ARNT2: variants seen among roughly 807,000 people sequenced by gnomAD.
ARNT2 encodes ARNT protein 2.
Under a neutral mutation model 91.7 loss-of-function variants are expected in ARNT2, and 36 were observed. The ratio of observed to expected loss-of-function variants is 0.39; its 90% CI spans 0.30 to 0.52. The LOEUF (loss-of-function observed/expected upper bound fraction) is 0.52, where lower values mean the gene tolerates loss of function less well. Among genes scored for constraint, ARNT2 ranks in the 20% least tolerant of loss-of-function variants. The pLI, the probability that ARNT2 is intolerant of heterozygous loss-of-function variation, is 0.72. For missense variants in ARNT2, 775 were observed against 939.3 expected (o/e 0.83, Z 2.29); for synonymous variants, 365 against 347.1 (o/e 1.05, Z -0.57).
At chr15:80,565,473 C>G (rs1026538203) in intron 12 of ARNT2, among the ~76,000 whole-genome samples, 1 of 152,074 alleles carries the variant, frequency 6.6e-6, no homozygotes, top group East Asian at 1.9e-4. Flanking sequence ...ACATTCCCAT[C>G]ATCAGTGTGT....
chr15:80,580,641 G>A (rs761733840), intron 16 of ARNT2, 92 bp downstream of exon 16: 50 of 1,543,870 alleles, frequency 3.2e-5, no homozygotes, highest in Non-Finnish European at 4.2e-5. Flanking sequence ...TCTGAGGATG[G>A]GTCGGCTCCT....
intron 8 of ARNT2, among the ~76,000 whole-genome samples, chr15:80,520,995 C>T (rs1897535746): frequency 6.6e-6 from 1 of 152,106 alleles, no homozygotes; most frequent in Non-Finnish European, 1.5e-5. Context: ...AGTGATATTT[C>T]CATTTACAAA....
chr15:80,588,547 C>G (rs535697188), intron 17 of ARNT2, among the ~76,000 whole-genome samples: 64 of 152,158 alleles, frequency 4.2e-4, no homozygotes, highest in African/African-American at 8.7e-4. Context: ...GGAACCTGAC[C>G]CCTGGCTTAC....
intron 1 of ARNT2, chr15:80,433,997 G>A (rs1037813378): frequency 2.6e-5 from 4 of 152,262 alleles, no homozygotes; most frequent in Non-Finnish European, 4.4e-5. Flanking sequence ...TCTCTGGAAT[G>A]AGGGTCTTAT....
At chr15:80,461,402 C>T (rs562665515) in intron 3 of ARNT2, among the ~76,000 whole-genome samples, 14 of 152,180 alleles carry the variant, frequency 9.2e-5, no homozygotes, top group African/African-American at 2.9e-4. Flanking sequence ...GAAGGGAGGC[C>T]GGCAGGCCGG....
intron 1 of ARNT2, among the ~76,000 whole-genome samples, chr15:80,439,852 C>T (rs1248793680): frequency 6.6e-6 from 1 of 152,196 alleles, no homozygotes. Flanking sequence ...AAGGACTCTC[C>T]AGGCCAACAA....
At position 80,519,988 on chromosome 15, in the gene ARNT2, G is replaced by A. The variant is rs543499109; in HGVS notation, c.877+5583G>A. Among the ~76,000 whole-genome samples the A allele has an allele frequency of 2.0e-4, 29 of 147,912 alleles. No homozygotes were observed. In the South Asian group the frequency reaches 4.9e-3, roughly 25 times the overall value. On this transcript the variant is annotated intron_variant, in intron 8 of 18. Transcript: ENST00000303329. ...GCTGGGATTACAGGTGTGAGCCACC[G>A]TGCCTGGCCGCTTTTTTTTTTTTTT...
In ARNT2 at chr15:80,559,843, G is replaced by A. The variant is rs184440425; in HGVS notation, c.1165-3245G>A. Among the ~76,000 whole-genome samples, 7 of 152,280 alleles carry A rather than the reference G, an allele frequency of 4.6e-5. No homozygotes were observed. The East Asian group carries it at 7.7e-4, about 17-fold the overall frequency. On this transcript the variant is annotated intron_variant, in intron 11 of 18. Transcript: ENST00000303329. ...AGAGCCAGGCTAAGCCGGGTTTTAC[G>A]CTTGGCCTTGGCCATCTACCGCATT...
chr15:80,464,660 C>T (rs1896623752), intron 3 of ARNT2, among the ~76,000 whole-genome samples: 1 of 152,190 alleles, frequency 6.6e-6, no homozygotes, highest in Non-Finnish European at 1.5e-5. Flanking sequence ...GGGAAAACTG[C>T]CTTACTGAAT....
At chr15:80,411,812 T>A (rs1895684102) in intron 1 of ARNT2, among the ~76,000 whole-genome samples, 1 of 152,216 alleles carries the variant, frequency 6.6e-6, no homozygotes, top group Non-Finnish European at 1.5e-5. Flanking sequence ...CACACAAAGC[T>A]CATCATTCTT....
At chr15:80,576,754 CT>C in intron 14 of ARNT2, 111 bp from the exon 15 acceptor site, 3 of 1,117,476 alleles carry the variant, frequency 2.7e-6, no homozygotes, top group Non-Finnish European at 4.0e-6. Context: ...GCTGCCCTGA[CT>C]TGTGTCCTCC....
At chr15:80,593,534 G>A in intron 18 of ARNT2, 66 bp from the exon 19 acceptor site, 1 of 1,330,780 alleles carries the variant, frequency 7.5e-7, no homozygotes, top group Non-Finnish European at 1.0e-6. Flanking sequence ...TGGGCTCCTG[G>A]GACATGCCCA....
At chr15:80,564,091 G>A (rs562813440) in intron 12 of ARNT2, among the ~76,000 whole-genome samples, 2 of 152,332 alleles carry the variant, frequency 1.3e-5, no homozygotes, top group South Asian at 2.1e-4. Flanking sequence ...AGTGTGTCGG[G>A]AGGACTGTAG....
At chr15:80,532,518 C>G (rs912879943) in intron 8 of ARNT2, among the ~76,000 whole-genome samples, 1 of 152,170 alleles carries the variant, frequency 6.6e-6, no homozygotes, top group Non-Finnish European at 1.5e-5. Flanking sequence ...AGGAGCTCAG[C>G]TGATGTGCTC....
intron 12 of ARNT2, among the ~76,000 whole-genome samples, chr15:80,568,641 A>G (rs191037124): frequency 5.6e-4 from 86 of 152,332 alleles, no homozygotes; most frequent in African/African-American, 2.0e-3. Context: ...CAGAGCGTAG[A>G]GGCAGTAAGG....
intron 2 of ARNT2, among the ~76,000 whole-genome samples, chr15:80,456,405 C>A (rs1299363947): frequency 6.6e-6 from 1 of 152,036 alleles, no homozygotes; most frequent in East Asian, 1.9e-4. Flanking sequence ...TAGTATAACC[C>A]TTGTGTCCGA....
chr15:80,561,066 C>T (rs962341965), intron 11 of ARNT2, among the ~76,000 whole-genome samples: 2 of 152,196 alleles, frequency 1.3e-5, no homozygotes, highest in Non-Finnish European at 2.9e-5. Flanking sequence ...CTGCTCCTTG[C>T]AGGTCTTGAG....
At chr15:80,510,367 G>T (rs915948274) in intron 6 of ARNT2, among the ~76,000 whole-genome samples, 3 of 151,880 alleles carry the variant, frequency 2.0e-5, no homozygotes, top group African/African-American at 7.2e-5. Context: ...AACAAGCAAC[G>T]CCATAAAAAA....
intron 8 of ARNT2, among the ~76,000 whole-genome samples, chr15:80,524,176 T>C (rs1897596921): frequency 6.6e-6 from 1 of 152,082 alleles, no homozygotes; most frequent in Non-Finnish European, 1.5e-5. Flanking sequence ...TCACTATTAA[T>C]CAGAACTGCA....
Sources: gnomAD v4.1 joint callset for allele counts (sites outside exome capture counted in the v4.1 genomes callset) on GRCh38, gnomAD v4.1.1 for gene constraint, MANE v1.5 for transcripts, NCBI Gene and HGNC (gene_info 2026-07-23, HGNC 2026-07-21) for gene names.